TRIP12: variants seen among roughly 807,000 people sequenced by gnomAD.
TRIP12 encodes the protein E3 ubiquitin-protein ligase TRIP12.
Under a neutral mutation model 244.2 loss-of-function variants are expected in TRIP12, and 25 were observed. That is an observed-to-expected ratio of 0.10 (90% confidence interval 0.07 to 0.14). The LOEUF is 0.14. TRIP12 is among the 10% of genes least tolerant of loss of function. The pLI, the probability that TRIP12 is intolerant of heterozygous loss-of-function variation, is 1.00. For synonymous variants in TRIP12, 905 were observed against 873.1 expected, an observed-to-expected ratio of 1.04 and a Z score of -0.64; for missense variants, 1,677 against 2,486.4, an observed-to-expected ratio of 0.67 and a Z score of 6.92.
intron 18 of TRIP12, 106 bp downstream of exon 18, chr2:229,805,624 T>A (rs1275091936): frequency 8.7e-7 from 1 of 1,153,106 alleles, no homozygotes; most frequent in Admixed American, 2.9e-5. Flanking sequence ...TGTTATGCAA[T>A]TGTCTTAAGC....
intron 33 of TRIP12, among the ~76,000 whole-genome samples, chr2:229,786,199 T>C (rs1322620090): frequency 6.6e-6 from 1 of 152,124 alleles, no homozygotes; most frequent in Non-Finnish European, 1.5e-5. Context: ...TGGGTACATT[T>C]ATATTTAGAT....
intron 2 of TRIP12, among the ~76,000 whole-genome samples, chr2:229,865,993 C>A (rs1215276457): frequency 1.3e-5 from 2 of 152,136 alleles, no homozygotes; most frequent in African/African-American, 4.8e-5. Flanking sequence ...TGGAAACATA[C>A]ACTGGGAAGC....
At chr2:229,852,361 CA>C (rs1379738131) in intron 4 of TRIP12, among the ~76,000 whole-genome samples, 4 of 151,830 alleles carry the variant, frequency 2.6e-5, no homozygotes, top group African/African-American at 9.7e-5. Context: ...GAAATTATTG[CA>C]AATTTTTTTT....
chr2:229,864,028 G>A (rs1451912758), intron 2 of TRIP12, among the ~76,000 whole-genome samples: 1 of 141,924 alleles, frequency 7.0e-6, no homozygotes, highest in Non-Finnish European at 1.5e-5. Context: ...GAGAGAGAGA[G>A]AGAGAGAGAG....
intron 6 of TRIP12, among the ~76,000 whole-genome samples, chr2:229,832,850 TA>T (rs1233907786): frequency 2.0e-5 from 3 of 152,244 alleles, no homozygotes; most frequent in Admixed American, 6.5e-5. Context: ...CGAATACTGT[TA>T]CTAGGTACAA....
chr2:229,800,976 T>C (rs2044164818), intron 21 of TRIP12, among the ~76,000 whole-genome samples: 1 of 152,174 alleles, frequency 6.6e-6, no homozygotes, highest in Non-Finnish European at 1.5e-5. Context: ...ACTGCAATTG[T>C]CTGAACTGTA....
chr2:229,771,511 C>T lies in TRIP12; in HGVS notation c.5808+8G>A. On this transcript the variant is annotated splice_region_variant and intron_variant, in intron 39 of 41. Transcript: ENST00000675903. ...TATGACCATTTCTTTTAGATATAAG[C>T]TACTCACTTCCTCCGGGTAGAAGTA... is the stretch of plus-strand genomic sequence containing the variant. 5 of 1,602,690 alleles carry T rather than the reference C, an allele frequency of 3.1e-6. No individual in the cohort carries two copies. Among genetic ancestry groups the T allele is most frequent in the Non-Finnish European group, 4.3e-6 (5 of 1,169,840 alleles).
Position 229,767,084 on chromosome 2 carries a change from T to C in TRIP12, c.*470A>G, listed in dbSNP as rs2032021340. ...AAATCAGAGGAAAGTGAAAAGCACA[T>C]AGAGCTAGTCTACTAAACTATATTT... On this transcript the variant is annotated 3_prime_UTR_variant, in exon 42 of 42. Coordinates refer to ENST00000675903, the MANE Select transcript of TRIP12 (RefSeq NM_001348323.3). 6.5e-6 allele frequency: 1 copy of C among 152,928 alleles called. No homozygotes were observed. Among genetic ancestry groups the C allele is most frequent in the South Asian group, 2.1e-4 (1 of 4,822 alleles). The allele number at this position is 152,928 out of a possible 1,614,324, so 9.5% of individuals were successfully genotyped here.
intron 13 of TRIP12, 97 bp downstream of exon 13, chr2:229,813,773 G>T: frequency 1.1e-6 from 1 of 886,932 alleles, no homozygotes; most frequent in South Asian, 5.5e-5. Context: ...AACAGAGCGA[G>T]ACTCCCATCT....
chr2:229,835,547 T>C (rs1342148235), intron 6 of TRIP12, among the ~76,000 whole-genome samples: 1 of 152,214 alleles, frequency 6.6e-6, no homozygotes, highest in Non-Finnish European at 1.5e-5. Context: ...GCATAAGCAA[T>C]GTTTGTCTCC....
chr2:229,769,457 C>CA (rs370850855), intron 39 of TRIP12, 132 bp from the exon 40 acceptor site: 11,657 of 282,076 alleles, frequency 0.041, 2 homozygotes, highest in East Asian at 0.057. Flanking sequence ...GACCTCTTTC[C>CA]AAAAAAAAAA....
intron 1 of TRIP12, among the ~76,000 whole-genome samples, chr2:229,890,679 A>AT (rs2067131222): frequency 6.6e-6 from 1 of 152,298 alleles, no homozygotes; most frequent in Admixed American, 6.5e-5. Flanking sequence ...ATAGTGTCAA[A>AT]TTTTTGTTTA....
intron 8 of TRIP12, among the ~76,000 whole-genome samples, chr2:229,825,564 A>T (rs2051325468): frequency 6.6e-6 from 1 of 152,200 alleles, no homozygotes; most frequent in African/African-American, 2.4e-5. Flanking sequence ...CTCACAGGGC[A>T]GCAGAAAAAA....
intron 4 of TRIP12, among the ~76,000 whole-genome samples, chr2:229,856,026 C>T: frequency 6.9e-6 from 1 of 145,188 alleles, no homozygotes; most frequent in Non-Finnish European, 1.5e-5. Context: ...GGTAATACAG[C>T]AAGACTCTGT....
chr2:229,779,559 T>C (rs565119962), intron 34 of TRIP12, among the ~76,000 whole-genome samples: 21 of 152,322 alleles, frequency 1.4e-4, no homozygotes, highest in African/African-American at 4.6e-4. Flanking sequence ...ACAGTAGCCA[T>C]TTAATAGAGA....
chr2:229,903,560 G>A (rs949455384), intron 1 of TRIP12, among the ~76,000 whole-genome samples: 7 of 152,026 alleles, frequency 4.6e-5, no homozygotes, highest in Non-Finnish European at 1.0e-4. Context: ...GTAGGAGCCT[G>A]TGAGCCACAA....
At chr2:229,867,105 T>G (rs1033818344) in intron 2 of TRIP12, among the ~76,000 whole-genome samples, 3 of 150,910 alleles carry the variant, frequency 2.0e-5, no homozygotes, top group Non-Finnish European at 3.0e-5. Flanking sequence ...GGGTTTTTTT[T>G]TTTGTTTTTT....
chr2:229,824,735 C>T (rs1158031693), intron 8 of TRIP12, among the ~76,000 whole-genome samples: 1 of 152,124 alleles, frequency 6.6e-6, no homozygotes, highest in East Asian at 1.9e-4. Context: ...CTGAGAAAGG[C>T]ATTCCCATGG....
chr2:229,784,704 G>A (rs1315866461), intron 34 of TRIP12, among the ~76,000 whole-genome samples: 1 of 152,030 alleles, frequency 6.6e-6, no homozygotes, highest in African/African-American at 2.4e-5. Context: ...TCAATCATGA[G>A]GGAAATAAAA....
Sources: allele counts gnomAD v4.1 joint callset (sites outside exome capture counted in the v4.1 genomes callset), GRCh38; gene constraint gnomAD v4.1.1; transcripts MANE v1.5; gene names NCBI Gene and HGNC (gene_info 2026-07-23, HGNC 2026-07-21).